The following ZNF394 variants were observed in gnomAD, a reference collection of about 807,000 sequenced individuals.
ZNF394 encodes zinc finger protein 394.
In ZNF394, 19 loss-of-function variants were observed where a neutral mutation model predicts 21.8. That is an observed-to-expected ratio of 0.87 (90% CI 0.61 to 1.28). ZNF394 has a LOEUF of 1.28. Among genes scored for constraint, ZNF394 ranks in the 50% most tolerant of loss-of-function variants. The pLI is 0.00. For synonymous variants in ZNF394, 294 were observed against 273.3 expected, an observed-to-expected ratio of 1.08 and a Z score of -0.75; for missense variants, 683 against 708.6, an observed-to-expected ratio of 0.96 and a Z score of 0.41.
At chr7:99,490,323 T>G (rs1286230976), downstream of ZNF394, among the ~76,000 whole-genome samples, 1 of 151,828 alleles carries the variant, frequency 6.6e-6, no homozygotes, top group Non-Finnish European at 1.5e-5. Context: ...CCCAGCTAAT[T>G]TTTGTATTTT....
At position 99,493,841 on chromosome 7, in the gene ZNF394, T is replaced by C. The variant is rs374077648; in HGVS notation, c.1374A>G (p.Arg458=). Residue 458 remains arginine, a synonymous_variant, in exon 3 of 3, where the codon AGA becomes AGG. Transcript: ENST00000337673. Reference sequence around the variant, plus strand: ...TTTCCCCTTTATGTAGTCTCTGATGTCTAAAAAGGTTGGAAATATGACAGG... The same window carrying C: ...TTTCCCCTTTATGTAGTCTCTGATGCCTAAAAAGGTTGGAAATATGACAGG... The part of the protein sequence containing the change: ...GETCHISNLF[R]HQRLHKGERP... 4 of 1,613,946 alleles carry C rather than the reference T, an allele frequency of 2.5e-6. No individual in the cohort carries two copies. The highest frequency in any genetic ancestry group is 2.7e-5 in the African/African-American group (2 of 74,888).
chr7:99,495,545 G>C (rs1324481266), intron 2 of ZNF394, among the ~76,000 whole-genome samples: 2 of 149,388 alleles, frequency 1.3e-5, no homozygotes, highest in East Asian at 2.0e-4. Context: ...GGATGGTCTC[G>C]AACTCCTCTG....
At chr7:99,497,106 G>C (rs1209591846) in intron 2 of ZNF394, among the ~76,000 whole-genome samples, 1 of 117,218 alleles carries the variant, frequency 8.5e-6, no homozygotes, top group South Asian at 2.6e-4. Context: ...GTGTGTGTGT[G>C]TGTGTGTGTG....
At chr7:99,498,337 CT>C (rs1800400909) in intron 2 of ZNF394, 2 of 182,494 alleles carry the variant, frequency 1.1e-5, no homozygotes, top group Non-Finnish European at 2.4e-5. Context: ...CAACAGTCAG[CT>C]TACTGGCTAC....
chr7:99,499,796 T>G lies in ZNF394; in HGVS notation c.298A>C (p.Lys100Gln). Residue 100 changes from lysine (K) to glutamine (Q), a missense_variant, in exon 1 of 3, where the codon AAG (lysine) becomes CAG (glutamine). Physicochemically the swap from Lys to Gln is moderately conservative, Grantham distance 53. Around this residue, in one of 3 missense-constraint regions of ZNF394, gnomAD observed 402 missense variants for 373.8 expected, o/e 1.08. Transcript: ENST00000337673. ...RRWLRPELLS[K>Q]EQILELLVLE... Reference sequence around the variant, plus strand: ...ACCAGCAGCTCCAGGATCTGCTCCTTGGAGAGCAGCTCGGGTCTCAGCCAC... The same window carrying G: ...ACCAGCAGCTCCAGGATCTGCTCCTGGGAGAGCAGCTCGGGTCTCAGCCAC... The G allele has an allele frequency of 3.1e-6, 5 of 1,614,108 alleles. No individual in the cohort carries two copies. The highest frequency in any genetic ancestry group is 4.2e-6 in the Non-Finnish European group (5 of 1,180,016).
chr7:99,486,565 C>G, exon 2 of ZNF394: 1 of 1,614,120 alleles, frequency 6.2e-7, no homozygotes, highest in East Asian at 2.2e-5. Context: ...AGTGGTAATG[C>G]AGGAATCAGC....
chr7:99,490,260 T>C (rs539051247), downstream of ZNF394, among the ~76,000 whole-genome samples: 33 of 149,870 alleles, frequency 2.2e-4, no homozygotes, highest in Non-Finnish European at 3.7e-4. Context: ...GTTCAAGCGA[T>C]TCTCCTGCAT....
At chr7:99,487,386 T>C (rs1339483917) in intron 1 of ZNF394, 3 of 1,614,132 alleles carry the variant, frequency 1.9e-6, no homozygotes, top group Admixed American at 3.3e-5. Context: ...TCATTCACAC[T>C]GGAAGCCAAC....
chr7:99,499,288 A>C (rs1800440537), intron 1 of ZNF394, among the ~76,000 whole-genome samples: 1 of 151,928 alleles, frequency 6.6e-6, no homozygotes, highest in African/African-American at 2.4e-5. Flanking sequence ...AGGCAGGAGA[A>C]TCGCTTGAAC....
At chr7:99,496,935 A>G (rs1200458518) in intron 2 of ZNF394, among the ~76,000 whole-genome samples, 1 of 151,366 alleles carries the variant, frequency 6.6e-6, no homozygotes, top group Non-Finnish European at 1.5e-5. Context: ...TGGCATATAC[A>G]TTAGTTATGG....
chr7:99,497,110 GTGTGTGTGTGTGTA>G (rs1425708332), intron 2 of ZNF394, among the ~76,000 whole-genome samples: 2 of 118,776 alleles, frequency 1.7e-5, no homozygotes, highest in Admixed American at 8.4e-5. Flanking sequence ...GTGTGTGTGT[GTGTGTGTGTGTGTA>G]TATATATATA....
Position 99,493,602 on chromosome 7 carries a change from G to GT in ZNF394, c.1612dup (p.Thr538AsnfsTer13). ...AATTCTTTGGTGTCGGATAAGGTGT[G>GT]TACTTTGTCTAAATCTTTCCCCACA... On this transcript the variant is annotated frameshift_variant, in exon 3 of 3. Coordinates refer to ENST00000337673, the MANE Select transcript of ZNF394 (RefSeq NM_032164.4). LOFTEE classifies it low-confidence loss of function (END_TRUNC). 6.2e-7 allele frequency: 1 copy of GT among 1,614,192 alleles called. No individual in the cohort carries two copies. Among genetic ancestry groups the GT allele is most frequent in the African/African-American group, 1.3e-5 (1 of 75,054 alleles).
At chr7:99,498,476 C>T (rs956473557) in intron 2 of ZNF394, 4 of 410,730 alleles carry the variant, frequency 9.7e-6, no homozygotes, top group African/African-American at 6.2e-5. Context: ...GTGGTAGACA[C>T]AGGGGATGGT....
chr7:99,500,042 G>A lies in ZNF394; in HGVS notation c.52C>T (p.Pro18Ser). 2 of 1,592,740 alleles carry A rather than the reference G, an allele frequency of 1.3e-6. No homozygotes were observed. The highest frequency in any genetic ancestry group is 1.7e-6 in the Non-Finnish European group (2 of 1,172,842). ...TTGGACCTCGCAGCCATCACCCAGG[G>A]TCCCAACTCGGCGTCACTGCCGCGC... Reference protein sequence around the residue: ...QRRGSDAELGPWVMAARSKDA... With the variant: ...QRRGSDAELGSWVMAARSKDA... Residue 18 changes from proline to serine, a missense_variant, in exon 1 of 3, where the codon CCC (proline) becomes TCC (serine). By Grantham distance (74) the Pro-to-Ser change is moderately conservative (BLOSUM62 -1). Coordinates refer to ENST00000337673, the MANE Select transcript of ZNF394 (RefSeq NM_032164.4).
chr7:99,499,053 T>C (rs1800434247), intron 1 of ZNF394, among the ~76,000 whole-genome samples: 1 of 152,148 alleles, frequency 6.6e-6, no homozygotes, highest in Admixed American at 6.5e-5. Context: ...ATCACTGTGA[T>C]GTATGGGAAT....
downstream of ZNF394, among the ~76,000 whole-genome samples, chr7:99,490,660 T>C (rs1469084159): frequency 6.6e-6 from 1 of 151,294 alleles, no homozygotes; most frequent in Non-Finnish European, 1.5e-5. Context: ...AGATAGTTTG[T>C]ATTTACGATT....
At chr7:99,490,699 G>A (rs1800144070), downstream of ZNF394, among the ~76,000 whole-genome samples, 2 of 151,112 alleles carry the variant, frequency 1.3e-5, no homozygotes, top group South Asian at 4.2e-4. Flanking sequence ...AGACATTCAG[G>A]CACTTGTCAC....
chr7:99,492,877 A>G (rs536700894), downstream of ZNF394, among the ~76,000 whole-genome samples: 1 of 151,950 alleles, frequency 6.6e-6, no homozygotes, highest in Non-Finnish European at 1.5e-5. Context: ...ACTTGAGCCC[A>G]GGAGGTTGAG....
At chr7:99,487,003 T>C (rs1348624224) in intron 1 of ZNF394, 19 of 1,614,004 alleles carry the variant, frequency 1.2e-5, no homozygotes. Context: ...CTGTGGAAAG[T>C]GTTTTCGGCA....
Sources: gnomAD v4.1 joint callset for allele counts (sites outside exome capture counted in the v4.1 genomes callset) on GRCh38, gnomAD v4.1.1 for gene constraint, gnomAD v4.1.1 regional missense constraint, MANE v1.5 for transcripts, NCBI Gene and HGNC (gene_info 2026-07-23, HGNC 2026-07-21) for gene names.